The following ICAM1 variants were observed in gnomAD, a reference collection of about 807,000 sequenced individuals.
ICAM1 encodes intercellular adhesion molecule 1.
In ICAM1, 28 loss-of-function variants were observed where a neutral mutation model predicts 42.3. That is an observed-to-expected ratio of 0.66 (90% CI 0.49 to 0.91). The LOEUF (loss-of-function observed/expected upper bound fraction) is 0.91, where lower values mean the gene tolerates loss of function less well. Among genes scored for constraint, ICAM1 ranks in the 40% least tolerant of loss-of-function variants. The pLI is 0.00. For missense variants in ICAM1, 637 were observed against 688.6 expected (o/e 0.93, Z 0.84); for synonymous variants, 304 against 305.9 (o/e 0.99, Z 0.07).
chr19:10,280,934 T>C (rs992119264), intron 2 of ICAM1, among the ~76,000 whole-genome samples: 10 of 134,696 alleles, frequency 7.4e-5, no homozygotes, highest in African/African-American at 2.8e-4. Flanking sequence ...AGTGCAGTGG[T>C]TCGATCTGGG....
intron 2 of ICAM1, among the ~76,000 whole-genome samples, chr19:10,281,335 A>C (rs549892334): frequency 6.6e-6 from 1 of 150,680 alleles, no homozygotes; most frequent in African/African-American, 2.4e-5. Context: ...ATGTTGCCCA[A>C]GCTAGCCTTG....
At position 10,284,598 on chromosome 19, in the gene ICAM1, C is replaced by T. The variant is rs1483579827; in HGVS notation, c.1121C>T (p.Thr374Ile). Residue 374 changes from threonine (T) to isoleucine (I), a missense_variant, in exon 5 of 7, where the codon ACC becomes ATC. Thr to Ile is a moderately conservative substitution (Grantham distance 89). Transcript: ENST00000264832. The surrounding 1 kb of genome is among the most constrained non-coding windows in gnomAD (Gnocchi z 5.4). ...DNGRSFSCSA[T>I]LEVAGQLIHK... ...GGGCGCAGCTTCTCCTGCTCTGCAA[C>T]CCTGGAGGTGGCCGGCCAGCTTATA... 6.2e-7 allele frequency: 1 copy of T among 1,614,182 alleles called. No homozygotes were observed. Among genetic ancestry groups the T allele is most frequent in the South Asian group, 1.1e-5 (1 of 91,090 alleles).
At position 10,284,558 on chromosome 19, in the gene ICAM1, AC is replaced by A; in HGVS notation, c.1085del (p.Pro362GlnfsTer71). 1 of 1,614,074 alleles carries A rather than the reference AC, an allele frequency of 6.2e-7. No individual in the cohort carries two copies. Among genetic ancestry groups the A allele is most frequent in the Non-Finnish European group, 8.5e-7 (1 of 1,179,986 alleles). ...GAGGGCCCAGCTCCTGCTGAAGGCCACCCCAGAGGACAACGGGCGCAGCTTC... is the reference window on the plus strand; with the variant it reads ...GAGGGCCCAGCTCCTGCTGAAGGCCACCCAGAGGACAACGGGCGCAGCTTC... ...GPRAQLLLKATPEDNGRSFSC... is the reference protein window; with the variant it reads ...GPRAQLLLKAXPEDNGRSFSC... On this transcript the variant is annotated frameshift_variant, in exon 5 of 7. Coordinates refer to ENST00000264832, the MANE Select transcript of ICAM1 (RefSeq NM_000201.3). LOFTEE classifies it high-confidence loss of function. This position sits in a 1 kb window ranked among gnomAD's most constrained non-coding sequence, Gnocchi z 5.4.
intron 1 of ICAM1, among the ~76,000 whole-genome samples, chr19:10,272,555 CTTTTCTT>C (rs1191093931): frequency 5.5e-5 from 6 of 108,510 alleles, no homozygotes; most frequent in Non-Finnish European, 9.7e-5. Flanking sequence ...TCTTTCTTTT[CTTTTCTT>C]TTTTTTTTTT....
intron 2 of ICAM1, among the ~76,000 whole-genome samples, chr19:10,277,798 T>G (rs2040028221): frequency 6.6e-6 from 1 of 152,184 alleles, no homozygotes; most frequent in Non-Finnish European, 1.5e-5. Context: ...GAATTTCTCT[T>G]TGCGTCCTTC....
chr19:10,276,544 CAAAAA>C (rs71162059), intron 2 of ICAM1, among the ~76,000 whole-genome samples: 2 of 72,904 alleles, frequency 2.7e-5, no homozygotes, highest in Admixed American at 1.8e-4. Context: ...GACTCCATCT[CAAAAA>C]AAAAAAAAAA....
intron 2 of ICAM1, among the ~76,000 whole-genome samples, chr19:10,276,629 G>A (rs553415152): frequency 2.0e-5 from 3 of 151,942 alleles, no homozygotes; most frequent in Admixed American, 2.0e-4. Flanking sequence ...AGTGCTGTTG[G>A]GAGCATAAAT....
chr19:10,278,562 T>TTTTTTTTTTTTG lies in ICAM1; in HGVS notation c.331+3543_331+3544insTTGTTTTTTTTT, dbSNP rs2040033027. Among the ~76,000 whole-genome samples the TTTTTTTTTTTTG allele has an allele frequency of 2.0e-5, 2 of 100,796 alleles. 1 individual carries two copies. The highest frequency in any genetic ancestry group is 7.7e-5 in the African/African-American group (2 of 25,912). The allele number at this position is 100,796 out of a possible 152,430, so 66.1% of individuals were successfully genotyped here. Reference sequence around the variant, plus strand: ...GCCTGATAGGTCTTTTTTTTTTTTTTTTTTTTTTTCTTTTTTTTGACACAC... The same window carrying TTTTTTTTTTTTG: ...GCCTGATAGGTCTTTTTTTTTTTTTTTTTTTTTTTTTGTTTTTTTTTCTTTTTTTTGACACAC... On this transcript the variant is annotated intron_variant, in intron 2 of 6. Transcript: ENST00000264832.
intron 2 of ICAM1, among the ~76,000 whole-genome samples, chr19:10,277,808 C>T (rs1433579294): frequency 6.6e-6 from 1 of 152,204 alleles, no homozygotes; most frequent in Non-Finnish European, 1.5e-5. Context: ...TTGCGTCCTT[C>T]CTACTTTGGG....
intron 2 of ICAM1, among the ~76,000 whole-genome samples, chr19:10,279,426 C>T (rs1215216833): frequency 1.3e-5 from 2 of 152,084 alleles, no homozygotes; most frequent in Non-Finnish European, 2.9e-5. Flanking sequence ...CTTGTATTCT[C>T]AACTACTCTG....
At chr19:10,271,317 G>A in intron 1 of ICAM1, 91 bp downstream of exon 1, 1 of 1,144,710 alleles carries the variant, frequency 8.7e-7, no homozygotes, top group Non-Finnish European at 1.3e-6. Context: ...TTAGGTAGCT[G>A]TTTATGGGAA....
intron 2 of ICAM1, among the ~76,000 whole-genome samples, chr19:10,278,580 T>TTTTTTTTTTG (rs1568293403): frequency 3.0e-5 from 4 of 132,022 alleles, no homozygotes; most frequent in African/African-American, 8.3e-5. Context: ...TTCTTTTTTT[T>TTTTTTTTTTG]GACACACAGT....
At chr19:10,285,080 T>TG (rs2145501501) in intron 6 of ICAM1, 35 bp from the exon 7 acceptor site, 1 of 1,613,722 alleles carries the variant, frequency 6.2e-7, no homozygotes, top group Non-Finnish European at 8.5e-7. Flanking sequence ...ATGGACCTAA[T>TG]GCAATCCTCA....
At chr19:10,276,373 G>A (rs376383033) in intron 2 of ICAM1, among the ~76,000 whole-genome samples, 14 of 151,018 alleles carry the variant, frequency 9.3e-5, no homozygotes, top group Admixed American at 4.6e-4. Context: ...GTGAAACCCC[G>A]TCTCTACTAA....
Position 10,284,772 on chromosome 19 carries a change from T to C in ICAM1, c.1181-11T>C. 1 of 1,606,570 alleles carries C rather than the reference T, an allele frequency of 6.2e-7. No homozygotes were observed. The highest frequency in any genetic ancestry group is 8.5e-7 in the Non-Finnish European group (1 of 1,178,126). On this transcript the variant is annotated splice_polypyrimidine_tract_variant and intron_variant, in intron 5 of 6. Coordinates refer to ENST00000264832, the MANE Select transcript of ICAM1 (RefSeq NM_000201.3). This position sits in a 1 kb window ranked among gnomAD's most constrained non-coding sequence, Gnocchi z 5.4. Reference sequence around the variant, plus strand: ...CACCCACCTCCATGTCATCTCATCGTGTTTTTCCAGATGGCCCCCGACTGG... The same window carrying C: ...CACCCACCTCCATGTCATCTCATCGCGTTTTTCCAGATGGCCCCCGACTGG...
intron 1 of ICAM1, among the ~76,000 whole-genome samples, chr19:10,274,556 CT>C (rs2040003316): frequency 1.3e-5 from 2 of 152,172 alleles, no homozygotes; most frequent in Non-Finnish European, 2.9e-5. Context: ...CTCAAGTGAT[CT>C]GCCCGCCTTG....
chr19:10,280,305 C>A (rs1236837610), intron 2 of ICAM1, among the ~76,000 whole-genome samples: 1 of 152,060 alleles, frequency 6.6e-6, no homozygotes, highest in East Asian at 1.9e-4. Context: ...AGCTGGAGGT[C>A]AGAGTTTTCT....
chr19:10,284,950 G>A lies in ICAM1; in HGVS notation c.1348G>A (p.Asp450Asn), dbSNP rs753651400. Residue 450 changes from aspartate (D) to asparagine (N), a missense_variant, in exon 6 of 7, where the codon GAT becomes AAT. Physicochemically the swap from Asp to Asn is conservative, Grantham distance 23. Transcript: ENST00000264832. This position sits in a 1 kb window ranked among gnomAD's most constrained non-coding sequence, Gnocchi z 5.4. ...PIGESVTVTR[D>N]LEGTYLCRAR... The stretch of plus-strand genomic sequence containing the variant: ...CGGGGAATCAGTGACTGTCACTCGA[G>A]ATCTTGAGGGCACCTACCTCTGTCG... The A allele has an allele frequency of 2.7e-5, 43 of 1,610,434 alleles. No individual in the cohort carries two copies. The highest frequency in any genetic ancestry group is 3.3e-4 in the Middle Eastern group (2 of 6,072).
At chr19:10,278,983 G>A (rs2040036692) in intron 2 of ICAM1, among the ~76,000 whole-genome samples, 1 of 152,182 alleles carries the variant, frequency 6.6e-6, no homozygotes, top group East Asian at 1.9e-4. Flanking sequence ...GGTAGCAAAG[G>A]AGTAAAAGTT....
Sources: gnomAD v4.1 joint callset for allele counts (sites outside exome capture counted in the v4.1 genomes callset) on GRCh38, gnomAD v4.1.1 for gene constraint, Gnocchi (gnomAD v3.1) non-coding constraint, MANE v1.5 for transcripts, NCBI Gene and HGNC (gene_info 2026-07-23, HGNC 2026-07-21) for gene names.